The following ZNF519 variants were observed in gnomAD, a reference collection of about 807,000 sequenced individuals.
ZNF519 encodes similar to Zinc finger protein 85 (Zinc finger protein HPF4) (HTF1).
Under a neutral mutation model 7.4 loss-of-function variants are expected in ZNF519, and 7 were observed. The observed-to-expected ratio is 0.94, with a 90% CI of 0.54 to 1.77. The LOEUF (loss-of-function observed/expected upper bound fraction) is 1.77, where lower values mean the gene tolerates loss of function less well. Ranked by LOEUF, ZNF519 falls within the 40% of genes most tolerant of loss-of-function variation. The pLI is 0.00. For missense variants in ZNF519, 586 were observed against 623.1 expected (o/e 0.94, Z 0.63); for synonymous variants, 179 against 203.3 (o/e 0.88, Z 1.02).
At chr18:14,075,597 G>A (rs2046044694), downstream of ZNF519, 1 of 152,238 alleles carries the variant, frequency 6.6e-6, no homozygotes, top group Non-Finnish European at 1.5e-5. Flanking sequence ...CTACAGCCAG[G>A]TGTTTGAGAA....
downstream of ZNF519, chr18:14,073,204 T>C (rs2046034284): frequency 6.6e-6 from 1 of 152,146 alleles, no homozygotes; most frequent in African/African-American, 2.4e-5. Flanking sequence ...GTAACAAAAA[T>C]ATATTGAAGA....
At chr18:14,091,019 A>G (rs1270996238) in intron 2 of ZNF519, 2 of 152,196 alleles carry the variant, frequency 1.3e-5, no homozygotes, top group South Asian at 2.1e-4. Flanking sequence ...CTCAATAGCA[A>G]TATTTTTTCT....
At chr18:14,075,681 C>A (rs1213341026), downstream of ZNF519, 1 of 152,192 alleles carries the variant, frequency 6.6e-6, no homozygotes, top group Non-Finnish European at 1.5e-5. Context: ...ATATTTTCAT[C>A]AGGAACCCAA....
intron 2 of ZNF519, among the ~76,000 whole-genome samples, chr18:14,108,009 C>T (rs767557805): frequency 6.6e-6 from 1 of 152,174 alleles, no homozygotes; most frequent in Non-Finnish European, 1.5e-5. Flanking sequence ...ACTCACTACT[C>T]TGAAGGAAAG....
chr18:14,110,240 A>T (rs1457681405), intron 2 of ZNF519, among the ~76,000 whole-genome samples: 2 of 152,150 alleles, frequency 1.3e-5, no homozygotes, highest in Non-Finnish European at 2.9e-5. Context: ...AAGCATACAA[A>T]TTCTAAAAGG....
rs1359762261 is a variant in ZNF519 at position 14,101,468 on chromosome 18, G to A, written c.*3449C>T. 2.0e-5 allele frequency: 8 copies of A among 393,714 alleles called. No individual in the cohort carries two copies. The highest frequency in any genetic ancestry group is 1.4e-4 in the South Asian group (1 of 6,968). 24.4% of individuals were successfully genotyped at this position (393,714 alleles called of 1,614,324 possible). ...ATATTCTTACAAATATGTGAAAGCC[G>A]ATTGTACACCTGAACAGTGCTGGGG... On this transcript the variant is annotated 3_prime_UTR_variant, in exon 3 of 3. Coordinates refer to ENST00000590202, the MANE Select transcript of ZNF519 (RefSeq NM_145287.4).
intron 2 of ZNF519, among the ~76,000 whole-genome samples, chr18:14,085,898 C>A (rs2046088521): frequency 6.6e-6 from 1 of 152,216 alleles, no homozygotes; most frequent in Non-Finnish European, 1.5e-5. Context: ...CCACCTCTGG[C>A]CTTCGATAGT....
At chr18:14,081,193 A>G (rs1162504095) in intron 3 of ZNF519, among the ~76,000 whole-genome samples, 2 of 152,202 alleles carry the variant, frequency 1.3e-5, no homozygotes, top group African/African-American at 4.8e-5. Context: ...AGACTCATCA[A>G]TTGTAAGAAA....
At position 14,106,344 on chromosome 18, in the gene ZNF519, C is replaced by G; in HGVS notation, c.196G>C (p.Ala66Pro). The change falls in exon 3 of 3, where the codon GCA (alanine) becomes CCA (proline). Residue 66 changes from alanine to proline, a missense_variant. Ala to Pro is a conservative substitution (Grantham distance 27). Coordinates refer to ENST00000590202, the MANE Select transcript of ZNF519 (RefSeq NM_145287.4). ...CAGCTCCCATATCTTCCCAGTGTTG[C>G]TTTTTTGAATGAATCTTGTATGCCT... ...EQGIQDSFKKATLGRYGSCGL... is the reference protein window; with the variant it reads ...EQGIQDSFKKPTLGRYGSCGL... 1 of 1,611,996 alleles carries G rather than the reference C, an allele frequency of 6.2e-7. No homozygotes were observed. The highest frequency in any genetic ancestry group is 8.5e-7 in the Non-Finnish European group (1 of 1,179,474).
At position 14,104,612 on chromosome 18, in the gene ZNF519, G is replaced by C. The variant is rs1232903379; in HGVS notation, c.*305C>G. The C allele has an allele frequency of 2.0e-5, 5 of 248,408 alleles. No individual in the cohort carries two copies. The East Asian group carries it at 4.1e-4, about 20-fold the overall frequency. The allele number at this position is 248,408 out of a possible 1,614,324, so 15.4% of individuals were successfully genotyped here. A position where few individuals can be genotyped will look rare whatever the true frequency, so the allele number is the denominator to read the frequency against. ...ATGAATACTGTGATTACAAAAATAA[G>C]TGAACATTGAATATAATTATGCCTC... On this transcript the variant is annotated 3_prime_UTR_variant, in exon 3 of 3. Transcript: ENST00000590202.
intron 2 of ZNF519, among the ~76,000 whole-genome samples, chr18:14,116,940 G>A (rs1386840095): frequency 2.0e-5 from 3 of 152,186 alleles, no homozygotes; most frequent in African/African-American, 7.2e-5. Context: ...GAACCCAGGA[G>A]GGGAAGGTTG....
chr18:14,091,512 A>G (rs2110158), intron 2 of ZNF519, among the ~76,000 whole-genome samples: 10,443 of 152,164 alleles, frequency 0.069, 1,188 homozygotes, highest in African/African-American at 0.24. Context: ...TTGAGTACAA[A>G]GAGTGGGGGT....
At chr18:14,075,486 T>C (rs112253271), downstream of ZNF519, 5 of 152,290 alleles carry the variant, frequency 3.3e-5, no homozygotes, top group East Asian at 5.8e-4. Context: ...TTTGTGAACA[T>C]AGAAAACAAG....
intron 2 of ZNF519, among the ~76,000 whole-genome samples, chr18:14,118,629 G>T (rs1192329035): frequency 6.6e-6 from 1 of 152,198 alleles, no homozygotes; most frequent in African/African-American, 2.4e-5. Flanking sequence ...GCAAACTGAA[G>T]AGCCCATGGA....
At chr18:14,111,753 T>C (rs554530157) in intron 2 of ZNF519, among the ~76,000 whole-genome samples, 7 of 152,040 alleles carry the variant, frequency 4.6e-5, no homozygotes, top group African/African-American at 7.2e-5. Flanking sequence ...AGAACCTGAA[T>C]AGACAAACAA....
chr18:14,083,936 C>T (rs1034125399), intron 3 of ZNF519, among the ~76,000 whole-genome samples: 48 of 152,186 alleles, frequency 3.2e-4, no homozygotes, highest in African/African-American at 1.1e-3. Flanking sequence ...TGTCCTATCC[C>T]TCTAACCCCA....
chr18:14,116,319 T>C (rs2046245747), intron 2 of ZNF519, among the ~76,000 whole-genome samples: 1 of 152,186 alleles, frequency 6.6e-6, no homozygotes, highest in Non-Finnish European at 1.5e-5. Flanking sequence ...TATTTTTAAA[T>C]TATTACATTT....
At position 14,122,918 on chromosome 18, in the gene ZNF519, A is replaced by T. The variant is rs183530963; in HGVS notation, c.130+1432T>A. 1.2e-3 allele frequency among the ~76,000 whole-genome samples: 169 copies of T among 138,938 alleles called. No individual in the cohort carries two copies. In the South Asian group the frequency reaches 0.015, roughly 12 times the overall value. The allele number at this position is 138,938 out of a possible 152,430, so 91.1% of individuals were successfully genotyped here. A position where few individuals can be genotyped will look rare whatever the true frequency, so the allele number is the denominator to read the frequency against. On this transcript the variant is annotated intron_variant, in intron 2 of 2. Transcript: ENST00000590202. ...TACATTAGGTATATCTCCTAATGTTATCCCTCCCCCCTCCCCCCACCCCAC... is the reference window on the plus strand; with the variant it reads ...TACATTAGGTATATCTCCTAATGTTTTCCCTCCCCCCTCCCCCCACCCCAC...
In ZNF519 at chr18:14,103,547, C is replaced by A. The variant is rs2046172438; in HGVS notation, c.*1370G>T. Reference sequence around the variant, plus strand: ...ATGCAGCAAACTGTTCAGAGAAATTCATAGCAGTAAACACCTACATTAAAA... The same window carrying A: ...ATGCAGCAAACTGTTCAGAGAAATTAATAGCAGTAAACACCTACATTAAAA... On this transcript the variant is annotated 3_prime_UTR_variant, in exon 3 of 3. Coordinates refer to ENST00000590202, the MANE Select transcript of ZNF519 (RefSeq NM_145287.4). The A allele has an allele frequency of 6.6e-6, 1 of 152,058 alleles. No homozygotes were observed. The highest frequency in any genetic ancestry group is 2.4e-5 in the African/African-American group (1 of 41,416). The allele number at this position is 152,058 out of a possible 1,614,324, so 9.4% of individuals were successfully genotyped here.
Sources: gnomAD v4.1 joint callset for allele counts (sites outside exome capture counted in the v4.1 genomes callset) on GRCh38, gnomAD v4.1.1 for gene constraint, MANE v1.5 for transcripts, NCBI Gene and HGNC (gene_info 2026-07-23, HGNC 2026-07-21) for gene names.